The following CFAP97D2 variants were observed in gnomAD, a reference collection of about 807,000 sequenced individuals.
The protein encoded by CFAP97D2 is CFAP97 domain containing 2.
rs1339448596 is a variant in CFAP97D2 at position 114,207,727 on chromosome 13, C to A, written c.291-4185C>A. 6.6e-6 allele frequency among the ~76,000 whole-genome samples: 1 copy of A among 152,182 alleles called. No individual in the cohort carries two copies. The highest frequency in any genetic ancestry group is 1.5e-5 in the Non-Finnish European group (1 of 68,034). On this transcript the variant is annotated intron_variant, in intron 3 of 4. Coordinates refer to ENST00000646158, the Ensembl canonical transcript of CFAP97D2. This position sits in a 1 kb window ranked among gnomAD's most constrained non-coding sequence, Gnocchi z 4.9. ...GGGTCCATGGCCCGGGGGTTGGGGACCTCTGCCTTATAGGGAAAACTGATT... is the reference window on the plus strand; with the variant it reads ...GGGTCCATGGCCCGGGGGTTGGGGAACTCTGCCTTATAGGGAAAACTGATT...
At chr13:114,192,207 C>A (rs749657211) in intron 1 of CFAP97D2, among the ~76,000 whole-genome samples, 8 of 152,134 alleles carry the variant, frequency 5.3e-5, no homozygotes, top group Admixed American at 2.0e-4. Flanking sequence ...CAAGAGTGAA[C>A]CCTAACGTAA....
At chr13:114,193,026 T>G (rs947171472) in intron 1 of CFAP97D2, among the ~76,000 whole-genome samples, 3 of 152,158 alleles carry the variant, frequency 2.0e-5, no homozygotes, top group African/African-American at 7.2e-5. Context: ...AGAAAAACAC[T>G]AAAAGTGTTC....
At chr13:114,181,917 G>T (rs1296402760) in intron 1 of CFAP97D2, among the ~76,000 whole-genome samples, 1 of 152,094 alleles carries the variant, frequency 6.6e-6, no homozygotes, top group Non-Finnish European at 1.5e-5. Context: ...TGCCTGAAGG[G>T]GTGGCCTGCC....
intron 1 of CFAP97D2, among the ~76,000 whole-genome samples, chr13:114,188,776 CAA>C (rs35375202): frequency 9.2e-5 from 6 of 65,360 alleles, no homozygotes; most frequent in Non-Finnish European, 6.3e-5. Context: ...GACTCAATCT[CAA>C]AAAAAAAAAA....
rs1365532961 is a variant in CFAP97D2, at chr13:114,189,905, G to A, written c.91-6491G>A. ...CCCTGTAATCAGAACACTTTGGGTG[G>A]CTGAAGAGGGAGGATCACTTGAGCC... On this transcript the variant is annotated intron_variant, in intron 1 of 4. Transcript: ENST00000646158. The surrounding 1 kb of genome is among the most constrained non-coding windows in gnomAD (Gnocchi z 4.5). 6.6e-6 allele frequency among the ~76,000 whole-genome samples: 1 copy of A among 152,170 alleles called. No homozygotes were observed. The highest frequency in any genetic ancestry group is 2.4e-5 in the African/African-American group (1 of 41,428).
chr13:114,191,151 C>G (rs2080867900), intron 1 of CFAP97D2, among the ~76,000 whole-genome samples: 1 of 151,914 alleles, frequency 6.6e-6, no homozygotes, highest in South Asian at 2.1e-4. Flanking sequence ...AAGAGAACAC[C>G]TAGAGGACCA....
chr13:114,208,822 T>TA lies in CFAP97D2; in HGVS notation c.291-3089dup, dbSNP rs569162754. Among the ~76,000 whole-genome samples, 564 of 152,358 alleles carry TA rather than the reference T, an allele frequency of 3.7e-3. 5 individuals carry two copies. Among genetic ancestry groups the TA allele is most frequent in the African/African-American group, 0.013 (537 of 41,580 alleles). Reference sequence around the variant, plus strand: ...GCTGGGACGACTTTGGGAACCTTGCTATGTGTCCAGTTTTCTATACAGAAG... The same window carrying TA: ...GCTGGGACGACTTTGGGAACCTTGCTAATGTGTCCAGTTTTCTATACAGAAG... On this transcript the variant is annotated intron_variant, in intron 3 of 4. Transcript: ENST00000646158.
intron 3 of CFAP97D2, among the ~76,000 whole-genome samples, chr13:114,202,041 T>G (rs368497559): frequency 6.8e-4 from 103 of 152,344 alleles, no homozygotes; most frequent in African/African-American, 2.4e-3. Context: ...CCCACCACCC[T>G]CTGCCCATCG....
intron 1 of CFAP97D2, among the ~76,000 whole-genome samples, chr13:114,184,469 A>G (rs2080848186): frequency 6.6e-6 from 1 of 152,258 alleles, no homozygotes; most frequent in Admixed American, 6.5e-5. Flanking sequence ...TCAGAGATAG[A>G]GAAAACATCC....
chr13:114,191,777 G>A (rs1225628759), intron 1 of CFAP97D2, among the ~76,000 whole-genome samples: 1 of 152,062 alleles, frequency 6.6e-6, no homozygotes, highest in Non-Finnish European at 1.5e-5. Context: ...ACCTGCACAT[G>A]GATGTTTATA....
intron 1 of CFAP97D2, among the ~76,000 whole-genome samples, chr13:114,182,972 C>CT (rs1566610747): frequency 1.3e-5 from 2 of 152,200 alleles, no homozygotes. Flanking sequence ...CTTGCACTCA[C>CT]TGCTACCTCC....
intron 4 of CFAP97D2, among the ~76,000 whole-genome samples, chr13:114,217,530 C>T (rs1224661599): frequency 6.6e-6 from 1 of 152,180 alleles, no homozygotes; most frequent in Non-Finnish European, 1.5e-5. Flanking sequence ...TTTTATGAGG[C>T]CAGCATCATC....
intron 1 of CFAP97D2, among the ~76,000 whole-genome samples, chr13:114,180,203 AAGG>A (rs1479795095): frequency 3.9e-5 from 6 of 152,318 alleles, no homozygotes; most frequent in African/African-American, 1.4e-4. Context: ...TACTCTTAAG[AAGG>A]AGAAGTTTGG....
intron 3 of CFAP97D2, among the ~76,000 whole-genome samples, chr13:114,204,753 G>A (rs1259035720): frequency 3.9e-5 from 6 of 152,166 alleles, no homozygotes; most frequent in African/African-American, 1.2e-4. Context: ...GGAAATCATC[G>A]TGACTTCAGA....
intron 1 of CFAP97D2, among the ~76,000 whole-genome samples, chr13:114,193,950 T>G (rs1402968769): frequency 6.6e-6 from 1 of 152,180 alleles, no homozygotes; most frequent in Non-Finnish European, 1.5e-5. Flanking sequence ...TACAATAGAC[T>G]GAAACATGTC....
chr13:114,198,366 C>T lies in CFAP97D2; in HGVS notation c.171+1890C>T, dbSNP rs189119642. On this transcript the variant is annotated intron_variant, in intron 2 of 4. Coordinates refer to ENST00000646158, the Ensembl canonical transcript of CFAP97D2. ...CTGAAGCCGAGTAACCAGTCTCCAG[C>T]ATATCTGCAGACCGACCACTTGGAA... 3.6e-3 allele frequency among the ~76,000 whole-genome samples: 548 copies of T among 152,344 alleles called. 7 individuals carry two copies. Among genetic ancestry groups the T allele is most frequent in the African/African-American group, 0.013 (527 of 41,580 alleles).
chr13:114,196,076 C>CAAAAAAAAAAAAAAAA (rs57315285), intron 1 of CFAP97D2, among the ~76,000 whole-genome samples: 1 of 100,972 alleles, frequency 9.9e-6, no homozygotes. Flanking sequence ...GAGCGAGACT[C>CAAAAAAAAAAAAAAAA]AAAAAAAAAA....
intron 3 of CFAP97D2, among the ~76,000 whole-genome samples, chr13:114,205,621 G>C (rs1474050316): frequency 1.3e-5 from 2 of 151,794 alleles, no homozygotes; most frequent in African/African-American, 4.8e-5. Context: ...TCGTCCCTTT[G>C]GGAAGAGCTG....
chr13:114,179,315 C>A, upstream of CFAP97D2: 1 of 398,752 alleles, frequency 2.5e-6, no homozygotes, highest in African/African-American at 2.1e-5. The surrounding 1 kb of genome is among the most constrained non-coding windows in gnomAD (Gnocchi z 4.8). Context: ...ATGAGCAAGA[C>A]GATTTTGTTG....
Sources: gnomAD v4.1 joint callset for allele counts (sites outside exome capture counted in the v4.1 genomes callset) on GRCh38, gnomAD v4.1.1 for gene constraint, Gnocchi (gnomAD v3.1) non-coding constraint, MANE v1.5 for transcripts, NCBI Gene and HGNC (gene_info 2026-07-23, HGNC 2026-07-21) for gene names.